The following NCOA6 variants were observed in gnomAD, a reference collection of about 807,000 sequenced individuals.
NCOA6 encodes the protein nuclear receptor coactivator 6.
NCOA6 carries 49 observed loss-of-function variants against 171.4 expected under a neutral mutation model. The observed-to-expected ratio is 0.29, with a 90% CI of 0.23 to 0.36. NCOA6 has a LOEUF of 0.36. Among genes scored for constraint, NCOA6 ranks in the 10% least tolerant of loss-of-function variants. The pLI is 1.00. For missense variants in NCOA6, 2,248 were observed against 2,554.5 expected, an observed-to-expected ratio of 0.88 and a Z score of 2.59; for synonymous variants, 910 against 927.5, an observed-to-expected ratio of 0.98 and a Z score of 0.34.
At chr20:34,804,562 G>A (rs2078379194) in intron 1 of NCOA6, among the ~76,000 whole-genome samples, 1 of 150,114 alleles carries the variant, frequency 6.7e-6, no homozygotes, top group Non-Finnish European at 1.5e-5. Flanking sequence ...AACAACAGAA[G>A]TGGTTAAACA....
Position 34,758,064 on chromosome 20 carries a change from C to A in NCOA6, c.684G>T (p.Gln228His), listed in dbSNP as rs772874718. 20 of 1,613,792 alleles carry A rather than the reference C, an allele frequency of 1.2e-5. No homozygotes were observed. Among genetic ancestry groups the A allele is most frequent in the Non-Finnish European group, 1.7e-5 (20 of 1,179,854 alleles). ...CTAAAGATCCTGAGGGATGACTTTG[C>A]TGCTGTATATGGAGCCCAGAGAGGA... is the stretch of plus-strand genomic sequence containing the variant. The part of the protein sequence containing the change: ...DPLLSGLHIQ[Q>H]QSHPSGSLAP... Residue 228 changes from glutamine to histidine, a missense_variant, in exon 7 of 15, where the codon CAG becomes CAT. Physicochemically the swap from Gln to His is conservative, Grantham distance 24 (BLOSUM62 0). Coordinates refer to ENST00000359003, the MANE Select transcript of NCOA6 (RefSeq NM_014071.5).
intron 1 of NCOA6, among the ~76,000 whole-genome samples, chr20:34,804,477 A>G (rs1178771435): frequency 6.7e-6 from 1 of 149,078 alleles, no homozygotes; most frequent in Non-Finnish European, 1.5e-5. Context: ...ACTGTACTCC[A>G]GCATGGGTAA....
chr20:34,796,181 T>C (rs952339930), intron 1 of NCOA6, among the ~76,000 whole-genome samples: 4 of 151,782 alleles, frequency 2.6e-5, no homozygotes, highest in African/African-American at 4.8e-5. Flanking sequence ...AGCTAATTTT[T>C]TGATTATTTG....
In NCOA6 at chr20:34,757,431, G is replaced by T. The variant is rs1331166397; in HGVS notation, c.1317C>A (p.Ser439=). The change falls in exon 7 of 15, where the codon TCC becomes TCA. Residue 439 remains serine, a synonymous_variant. Coordinates refer to ENST00000359003, the MANE Select transcript of NCOA6 (RefSeq NM_014071.5). ...ASSPSSFQQG[S]PASSPTVNQT... ...GGTTAACCGTTGGGGAGGATGCAGG[G>T]GATCCCTGCTGGAAGGAGGAGGGTG... is the stretch of plus-strand genomic sequence containing the variant. 1 of 1,613,810 alleles carries T rather than the reference G, an allele frequency of 6.2e-7. No individual in the cohort carries two copies. Among genetic ancestry groups the T allele is most frequent in the Non-Finnish European group, 8.5e-7 (1 of 1,179,808 alleles).
intron 1 of NCOA6, among the ~76,000 whole-genome samples, chr20:34,814,578 G>A (rs1601150993): frequency 1.3e-5 from 2 of 152,022 alleles, no homozygotes; most frequent in African/African-American, 4.8e-5. Flanking sequence ...ATGTACTTGC[G>A]GTATTTAAAC....
intron 12 of NCOA6, among the ~76,000 whole-genome samples, chr20:34,735,374 A>C (rs1181167080): frequency 1.3e-5 from 2 of 152,152 alleles, no homozygotes; most frequent in Non-Finnish European, 2.9e-5. Flanking sequence ...GGCCGGAAGT[A>C]GTGGCTCATG....
intron 7 of NCOA6, among the ~76,000 whole-genome samples, chr20:34,755,441 C>A: frequency 6.6e-6 from 1 of 152,164 alleles, no homozygotes; most frequent in East Asian, 1.9e-4. Context: ...ATGGGAGCTT[C>A]AAAGTGATGC....
rs188356592 is a variant in NCOA6 at position 34,789,689 on chromosome 20, C to G, written c.-50+2761G>C. ...TCATGAGGCTGAGGTGAAACAATCC[C>G]TTGAGCCTGAGGGGAGTGAGGGGAA... is the stretch of plus-strand genomic sequence containing the variant. On this transcript the variant is annotated intron_variant, in intron 2 of 14. Coordinates refer to ENST00000359003, the MANE Select transcript of NCOA6 (RefSeq NM_014071.5). Among the ~76,000 whole-genome samples, 105 of 152,222 alleles carry G rather than the reference C, an allele frequency of 6.9e-4. 2 individuals are homozygous for G. The highest frequency in any genetic ancestry group is 2.2e-3 in the African/African-American group (93 of 41,526).
chr20:34,727,492 A>G (rs1476674049), intron 13 of NCOA6, 85 bp from the exon 14 acceptor site: 3 of 1,413,738 alleles, frequency 2.1e-6, no homozygotes, highest in African/African-American at 2.8e-5. Context: ...TTTCATTCGT[A>G]AAGTAGGAGA....
Position 34,808,144 on chromosome 20 carries a change from G to A in NCOA6, c.-163-15581C>T, listed in dbSNP as rs374465465. ...CAGCCTGGTAACAGAGCGAGATTCC[G>A]TCTCAAAAAGAAAAAAAAAAAAGAA... On this transcript the variant is annotated intron_variant, in intron 1 of 14. Coordinates refer to ENST00000359003, the MANE Select transcript of NCOA6 (RefSeq NM_014071.5). Among the ~76,000 whole-genome samples the A allele has an allele frequency of 1.7e-4, 26 of 150,428 alleles. No homozygotes were observed. The South Asian group carries it at 2.1e-3, about 12-fold the overall frequency.
intron 14 of NCOA6, among the ~76,000 whole-genome samples, chr20:34,724,930 A>C (rs571629407): frequency 1.7e-4 from 26 of 151,910 alleles, no homozygotes; most frequent in African/African-American, 6.0e-4. Context: ...CTGGGATTAC[A>C]GGCGCCCACC....
intron 1 of NCOA6, among the ~76,000 whole-genome samples, chr20:34,798,038 A>G (rs1360891769): frequency 1.3e-5 from 2 of 152,074 alleles, no homozygotes; most frequent in Non-Finnish European, 2.9e-5. Context: ...CTCTGACTGC[A>G]TATTTTCAAA....
intron 1 of NCOA6, among the ~76,000 whole-genome samples, chr20:34,795,579 C>T (rs925053669): frequency 1.3e-5 from 2 of 152,258 alleles, no homozygotes; most frequent in Admixed American, 6.5e-5. Context: ...GGTCTGGTCT[C>T]TTCAAAAAGC....
intron 14 of NCOA6, among the ~76,000 whole-genome samples, chr20:34,720,622 T>C (rs989526415): frequency 2.6e-5 from 4 of 152,278 alleles, no homozygotes; most frequent in Non-Finnish European, 5.9e-5. Context: ...TCTCTGATTT[T>C]GTTTGCATAT....
At chr20:34,727,528 G>C (rs1211837289) in intron 13 of NCOA6, 121 bp from the exon 14 acceptor site, 2 of 1,102,112 alleles carry the variant, frequency 1.8e-6, no homozygotes, top group Non-Finnish European at 2.6e-6. Flanking sequence ...TTATTCTGGA[G>C]AGAAAGCAGT....
rs2145711388 is a variant in NCOA6, at chr20:34,750,317, C to T, written c.1878G>A (p.Gln626=). ...TCTGGCCCTGGGAGGGCACGATTTG[C>T]TGGTGCATGCCCATCAGCTGAGATG... is the stretch of plus-strand genomic sequence containing the variant. ...GPPSQLMGMH[Q]QIVPSQGQMV... The change falls in exon 9 of 15, where the codon CAG becomes CAA. Residue 626 remains glutamine, a synonymous_variant. Transcript: ENST00000359003. 6.2e-7 allele frequency: 1 copy of T among 1,613,718 alleles called. No homozygotes were observed. Among genetic ancestry groups the T allele is most frequent in the Non-Finnish European group, 8.5e-7 (1 of 1,179,748 alleles).
chr20:34,811,951 TA>T (rs2078677912), intron 1 of NCOA6, among the ~76,000 whole-genome samples: 1 of 152,146 alleles, frequency 6.6e-6, no homozygotes, highest in Admixed American at 6.5e-5. Context: ...GAGGTCCTTA[TA>T]AAACTATTTC....
At chr20:34,759,077 T>A in intron 5 of NCOA6, 144 bp from the exon 6 acceptor site, 1 of 874,786 alleles carries the variant, frequency 1.1e-6, no homozygotes, top group Non-Finnish European at 1.7e-6. Flanking sequence ...GTCTGCCAAG[T>A]GGCACAATCA....
chr20:34,752,510 C>T (rs6060030), intron 8 of NCOA6, among the ~76,000 whole-genome samples: 128,271 of 152,212 alleles, frequency 0.84, 54,236 homozygotes, highest in Admixed American at 0.91. Flanking sequence ...AGAGACACAA[C>T]TAACAAACAG....
Sources: gnomAD v4.1 joint callset for allele counts (sites outside exome capture counted in the v4.1 genomes callset) on GRCh38, gnomAD v4.1.1 for gene constraint, MANE v1.5 for transcripts, NCBI Gene and HGNC (gene_info 2026-07-23, HGNC 2026-07-21) for gene names.